The following SAMD12 variants were observed in gnomAD, a reference collection of about 807,000 sequenced individuals.
SAMD12 encodes the protein sterile alpha motif domain containing 12.
In SAMD12, 9 loss-of-function variants were observed where a neutral mutation model predicts 15.0. The observed-to-expected ratio is 0.60, with a 90% CI of 0.36 to 1.05. SAMD12 has a LOEUF of 1.05. Among genes scored for constraint, SAMD12 ranks in the 50% least tolerant of loss-of-function variants. SAMD12 has a pLI of 0.01. For missense variants in SAMD12, 230 were observed against 234.2 expected, an observed-to-expected ratio of 0.98 and a Z score of 0.12; for synonymous variants, 86 against 90.1, an observed-to-expected ratio of 0.96 and a Z score of 0.25.
At chr8:118,545,640 T>C (rs2097718768) in intron 2 of SAMD12, among the ~76,000 whole-genome samples, 1 of 152,192 alleles carries the variant, frequency 6.6e-6, no homozygotes, top group Non-Finnish European at 1.5e-5. Flanking sequence ...TCAATGAATC[T>C]TGATGAACCC....
chr8:118,339,024 CCT>C (rs1817216357), intron 4 of SAMD12, among the ~76,000 whole-genome samples: 1 of 152,106 alleles, frequency 6.6e-6, no homozygotes. Flanking sequence ...TCACTAACAA[CCT>C]CATAAAGAAA....
the SAMD12 span, among the ~76,000 whole-genome samples, chr8:118,166,583 T>C: frequency 6.6e-6 from 1 of 152,208 alleles, no homozygotes; most frequent in Admixed American, 6.5e-5. Context: ...TATAAATAAG[T>C]AAGCATGGTT....
intron 4 of SAMD12, among the ~76,000 whole-genome samples, chr8:118,234,653 G>A (rs1812387150): frequency 7.0e-6 from 1 of 143,674 alleles, no homozygotes; most frequent in Non-Finnish European, 1.5e-5. Flanking sequence ...AGAGGTTGCC[G>A]TGAGACAAGA....
the SAMD12 span, among the ~76,000 whole-genome samples, chr8:118,167,903 A>G: frequency 2.0e-5 from 3 of 152,050 alleles, no homozygotes; most frequent in Non-Finnish European, 4.4e-5. Context: ...TTGACATCCA[A>G]CTGAACATAA....
chr8:118,378,958 A>C lies in SAMD12; in HGVS notation c.*459T>G. The C allele has an allele frequency of 1.0e-6, 1 of 956,780 alleles. No homozygotes were observed. Among genetic ancestry groups the C allele is most frequent in the Non-Finnish European group, 1.2e-6 (1 of 801,376 alleles). The allele number at this position is 956,780 out of a possible 1,614,324, so 59.3% of individuals were successfully genotyped here. A position where few individuals can be genotyped will look rare whatever the true frequency, so the allele number is the denominator to read the frequency against. On this transcript the variant is annotated 3_prime_UTR_variant, in exon 4 of 4. Coordinates refer to ENST00000314727, the MANE Select transcript of SAMD12 (RefSeq NM_207506.3). ...TTTAGATTCACTATAGTCTATTATA[A>C]AAATTATTCCACTTTCAAGAAGCTA...
chr8:118,284,570 T>C, intron 4 of SAMD12: 1 of 335,964 alleles, frequency 3.0e-6, no homozygotes, highest in Non-Finnish European at 5.8e-6. Flanking sequence ...CATTAAATGC[T>C]CTTGCAATTG....
chr8:118,587,265 C>A (rs1039365132), intron 1 of SAMD12, among the ~76,000 whole-genome samples: 1 of 152,192 alleles, frequency 6.6e-6, no homozygotes, highest in Admixed American at 6.5e-5. Flanking sequence ...ATACACATAA[C>A]ACTCTCCAAT....
intron 3 of SAMD12, among the ~76,000 whole-genome samples, chr8:118,397,613 A>G (rs1820648831): frequency 6.6e-6 from 1 of 152,166 alleles, no homozygotes; most frequent in Non-Finnish European, 1.5e-5. Context: ...ATTGAAATTG[A>G]ACCATAAACC....
intron 4 of SAMD12, among the ~76,000 whole-genome samples, chr8:118,266,811 A>G (rs951605099): frequency 6.6e-6 from 1 of 152,104 alleles, no homozygotes; most frequent in African/African-American, 2.4e-5. Flanking sequence ...GAGAGTAAAA[A>G]GGTAACAGTT....
chr8:118,362,652 G>A (rs187208845), intron 4 of SAMD12, among the ~76,000 whole-genome samples: 1 of 152,130 alleles, frequency 6.6e-6, no homozygotes, highest in African/African-American at 2.4e-5. Context: ...CTTGGAAAGA[G>A]GGAGCCTTTA....
intron 2 of SAMD12, among the ~76,000 whole-genome samples, chr8:118,519,072 G>A (rs1825321457): frequency 6.6e-6 from 1 of 152,214 alleles, no homozygotes; most frequent in Non-Finnish European, 1.5e-5. Flanking sequence ...AGTTATTGGG[G>A]ACTGAGGAGC....
At chr8:118,494,294 T>C (rs1264913337) in intron 2 of SAMD12, among the ~76,000 whole-genome samples, 1 of 152,202 alleles carries the variant, frequency 6.6e-6, no homozygotes, top group Middle Eastern at 3.2e-3. Flanking sequence ...TAAGACCATT[T>C]TGGACTTCTG....
At chr8:118,399,201 CTT>C (rs10535786) in intron 3 of SAMD12, among the ~76,000 whole-genome samples, 62,544 of 147,320 alleles carry the variant, frequency 0.42, 13,394 homozygotes, top group Non-Finnish European at 0.48. Flanking sequence ...TTTTTTTTTT[CTT>C]TTTTTTTTTT....
At chr8:118,555,117 T>C (rs1826486445) in intron 2 of SAMD12, among the ~76,000 whole-genome samples, 1 of 152,152 alleles carries the variant, frequency 6.6e-6, no homozygotes, top group African/African-American at 2.4e-5. Context: ...GTAATATCCA[T>C]CTGTTATTGG....
chr8:118,526,223 A>C (rs181549864), intron 2 of SAMD12, among the ~76,000 whole-genome samples: 1 of 152,288 alleles, frequency 6.6e-6, no homozygotes, highest in East Asian at 1.9e-4. Context: ...CTCCCTTTAC[A>C]TTTATGGAAC....
chr8:118,168,381 C>T, the SAMD12 span, among the ~76,000 whole-genome samples: 16 of 152,146 alleles, frequency 1.1e-4, no homozygotes, highest in Admixed American at 7.2e-4. Flanking sequence ...TAGGCCCCAC[C>T]GTGTCATTAG....
At chr8:118,174,559 T>C in the SAMD12 span, among the ~76,000 whole-genome samples, 1 of 152,170 alleles carries the variant, frequency 6.6e-6, no homozygotes, top group Non-Finnish European at 1.5e-5. Context: ...TACTGGCAAA[T>C]GCTCCACTTC....
At chr8:118,239,230 T>C (rs28370837) in intron 4 of SAMD12, among the ~76,000 whole-genome samples, 4,871 of 152,238 alleles carry the variant, frequency 0.032, 259 homozygotes, top group African/African-American at 0.11. Context: ...TACATTTAGA[T>C]ATATTCATAC....
intron 4 of SAMD12, among the ~76,000 whole-genome samples, chr8:118,288,535 A>T (rs973109152): frequency 6.6e-6 from 1 of 152,212 alleles, no homozygotes; most frequent in Admixed American, 6.5e-5. Flanking sequence ...AGACCCTCAT[A>T]AACTACAATT....
Sources: gnomAD v4.1 joint callset for allele counts (sites outside exome capture counted in the v4.1 genomes callset) on GRCh38, gnomAD v4.1.1 for gene constraint, MANE v1.5 for transcripts, NCBI Gene and HGNC (gene_info 2026-07-23, HGNC 2026-07-21) for gene names.